Variants in TPX2 observed in about 807,000 individuals in gnomAD.
The protein encoded by TPX2 is targeting protein for Xklp2.
A neutral mutation model predicts 93.6 loss-of-function variants in TPX2; 21 were observed. The observed-to-expected ratio is 0.22, with a 90% CI of 0.16 to 0.32. The LOEUF is 0.32. Ranked by LOEUF, TPX2 falls within the 10% of genes least tolerant of loss-of-function variation. The pLI, the probability that TPX2 is intolerant of heterozygous loss-of-function variation, is 1.00. For synonymous variants in TPX2, 281 were observed against 298.3 expected, an observed-to-expected ratio of 0.94 and a Z score of 0.60; for missense variants, 776 against 871.1, an observed-to-expected ratio of 0.89 and a Z score of 1.37.
intron 12 of TPX2, 104 bp downstream of exon 12, chr20:31,784,025 T>C: frequency 8.2e-7 from 1 of 1,226,776 alleles, no homozygotes; most frequent in Non-Finnish European, 1.2e-6. Flanking sequence ...GGGCATCATA[T>C]TAGGAACTGC....
chr20:31,748,942 G>A (rs2061801056), intron 2 of TPX2, among the ~76,000 whole-genome samples: 1 of 150,644 alleles, frequency 6.6e-6, no homozygotes, highest in African/African-American at 2.4e-5. Context: ...CTATTTAAAT[G>A]TGAATTTTTT....
Position 31,770,362 on chromosome 20 carries a change from G to A in TPX2, c.376G>A (p.Ala126Thr), listed in dbSNP as rs2061957726. ...QPQRRSLRLS[A>T]QKDLEQKEKH... Reference sequence around the variant, plus strand: ...CCATAGAAGATCTCTTAGGCTTTCTGCTCAGAAGGATTTGGAACAGAAAGA... The same window carrying A: ...CCATAGAAGATCTCTTAGGCTTTCTACTCAGAAGGATTTGGAACAGAAAGA... The change falls in exon 6 of 18, where the codon GCT becomes ACT. Residue 126 changes from alanine (A) to threonine (T), a missense_variant. By Grantham distance (58) the Ala-to-Thr change is moderately conservative (BLOSUM62 0). Coordinates refer to ENST00000300403, the MANE Select transcript of TPX2 (RefSeq NM_012112.5). The A allele has an allele frequency of 3.1e-6, 5 of 1,596,118 alleles. No homozygotes were observed. In the East Asian group the frequency reaches 1.1e-4, roughly 36 times the overall value.
chr20:31,794,342 G>T, intron 14 of TPX2, 60 bp from the exon 15 acceptor site: 1 of 1,568,104 alleles, frequency 6.4e-7, no homozygotes, highest in South Asian at 1.2e-5. Flanking sequence ...AGATATTCTG[G>T]AGCAGCTATT....
intron 9 of TPX2, among the ~76,000 whole-genome samples, 163 bp downstream of exon 9, chr20:31,777,801 A>G: frequency 6.8e-6 from 1 of 146,368 alleles, no homozygotes. Flanking sequence ...TTTGAGATGG[A>G]GTTTCACTTT....
At chr20:31,777,103 T>A (rs750826955) in intron 8 of TPX2, among the ~76,000 whole-genome samples, 13 of 152,176 alleles carry the variant, frequency 8.5e-5, no homozygotes, top group Non-Finnish European at 1.3e-4. Context: ...AAAGCACCCC[T>A]GGAGTTTATA....
chr20:31,799,849 G>A (rs959203203), intron 17 of TPX2, among the ~76,000 whole-genome samples: 8 of 142,936 alleles, frequency 5.6e-5, no homozygotes, highest in South Asian at 2.2e-4. Context: ...GCAGTGAGCC[G>A]ATTGTGCCAC....
intron 7 of TPX2, among the ~76,000 whole-genome samples, chr20:31,772,068 T>TG (rs1441367972): frequency 6.8e-6 from 1 of 147,460 alleles, no homozygotes; most frequent in Non-Finnish European, 1.5e-5. Context: ...TTTCCCAGGC[T>TG]GGAGTGCAGT....
At chr20:31,759,005 A>AT (rs1358310848) in intron 3 of TPX2, among the ~76,000 whole-genome samples, 64 of 151,586 alleles carry the variant, frequency 4.2e-4, no homozygotes, top group Non-Finnish European at 2.2e-4. Flanking sequence ...AAACATTTTT[A>AT]TTTTTTTTTC....
Position 31,801,587 on chromosome 20 carries a change from C to T in TPX2, c.*507C>T, listed in dbSNP as rs2062172324. On this transcript the variant is annotated 3_prime_UTR_variant, in exon 18 of 18. Transcript: ENST00000300403. ...TACCGTGAATTTATAGTTAAGGATC[C>T]CTTTGCTGTGAGGGTAGAAAACCTC... The T allele has an allele frequency of 6.6e-6, 1 of 152,298 alleles. No individual in the cohort carries two copies. Among genetic ancestry groups the T allele is most frequent in the Non-Finnish European group, 1.5e-5 (1 of 68,188 alleles). The allele number at this position is 152,298 out of a possible 1,614,324, so 9.4% of individuals were successfully genotyped here.
In TPX2 at chr20:31,793,986, C is replaced by A. The variant is rs549790553; in HGVS notation, c.1648C>A (p.Gln550Lys). 1 of 1,613,322 alleles carries A rather than the reference C, an allele frequency of 6.2e-7. No individual in the cohort carries two copies. The highest frequency in any genetic ancestry group is 2.2e-5 in the East Asian group (1 of 44,858). The change falls in exon 14 of 18, where the codon CAG becomes AAG. Residue 550 changes from glutamine (Q) to lysine (K), a missense_variant. Gln to Lys is a moderately conservative substitution (Grantham distance 53, BLOSUM62 1). Coordinates refer to ENST00000300403, the MANE Select transcript of TPX2 (RefSeq NM_012112.5). ...FDSRDKERQL[Q>K]KEKKIKELQK... ...TTCTCGAGACAAAGAACGTCAGTTA[C>A]AGAAGGAGAAGAAAATAAAAGAACT... is the stretch of plus-strand genomic sequence containing the variant.
At chr20:31,755,352 G>A (rs2061845460) in intron 2 of TPX2, among the ~76,000 whole-genome samples, 1 of 151,894 alleles carries the variant, frequency 6.6e-6, no homozygotes, top group Non-Finnish European at 1.5e-5. Flanking sequence ...TCAAAGTGCT[G>A]GGATTACAGG....
chr20:31,792,646 A>C, intron 12 of TPX2, 89 bp from the exon 13 acceptor site: 1 of 1,280,694 alleles, frequency 7.8e-7, no homozygotes. Context: ...CCCTGTCTCT[A>C]CCCAAAGGGG....
intron 5 of TPX2, among the ~76,000 whole-genome samples, chr20:31,768,249 T>C (rs577990460): frequency 1.3e-5 from 2 of 148,534 alleles, no homozygotes; most frequent in African/African-American, 2.5e-5. Flanking sequence ...CATCCTTTTT[T>C]TTTTTTCAGA....
At chr20:31,794,291 C>A (rs1337203704) in intron 14 of TPX2, 111 bp from the exon 15 acceptor site, 2 of 1,396,282 alleles carry the variant, frequency 1.4e-6, no homozygotes, top group Non-Finnish European at 1.9e-6. Flanking sequence ...TTCTTTCATG[C>A]TGCTTTGAAA....
chr20:31,782,527 G>A (rs1216749265), intron 11 of TPX2, 137 bp downstream of exon 11: 8 of 1,086,802 alleles, frequency 7.4e-6, no homozygotes, highest in African/African-American at 6.4e-5. Flanking sequence ...TGCAGGCTAC[G>A]CCCCTGCCTA....
chr20:31,799,787 C>G (rs916750864), intron 17 of TPX2, among the ~76,000 whole-genome samples: 6 of 150,940 alleles, frequency 4.0e-5, no homozygotes, highest in African/African-American at 1.5e-4. Context: ...GTAATCCCAG[C>G]TACTCGGGAG....
At chr20:31,800,911 C>A in intron 17 of TPX2, 59 bp from the exon 18 acceptor site, 3 of 1,332,400 alleles carry the variant, frequency 2.3e-6, no homozygotes, top group Non-Finnish European at 3.2e-6. Context: ...AAAATAAAAG[C>A]AATTATAAGC....
chr20:31,747,546 G>T (rs914719106), intron 2 of TPX2, among the ~76,000 whole-genome samples: 1 of 152,172 alleles, frequency 6.6e-6, no homozygotes, highest in Non-Finnish European at 1.5e-5. Flanking sequence ...GCATTGAATA[G>T]GCAGTTTTTA....
At chr20:31,780,238 G>A (rs1221434112) in intron 10 of TPX2, among the ~76,000 whole-genome samples, 1 of 152,072 alleles carries the variant, frequency 6.6e-6, no homozygotes, top group African/African-American at 2.4e-5. Context: ...TTTAAGTAGA[G>A]ACCAAGTTTT....
Sources: gnomAD v4.1 joint callset for allele counts (sites outside exome capture counted in the v4.1 genomes callset) on GRCh38, gnomAD v4.1.1 for gene constraint, MANE v1.5 for transcripts, NCBI Gene and HGNC (gene_info 2026-07-23, HGNC 2026-07-21) for gene names.